VTI1A: variants seen among roughly 807,000 people sequenced by gnomAD.
The protein encoded by VTI1A is vesicle transport through interaction with t-SNAREs homolog 1A.
A neutral mutation model predicts 34.9 loss-of-function variants in VTI1A; 22 were observed. The observed-to-expected ratio is 0.63, with a 90% confidence interval of 0.45 to 0.90. The LOEUF (loss-of-function observed/expected upper bound fraction) is 0.90, where lower values mean the gene tolerates loss of function less well. Ranked by LOEUF, VTI1A falls within the 40% of genes least tolerant of loss-of-function variation. The pLI is 0.00. For synonymous variants in VTI1A, 87 were observed against 97.3 expected, an observed-to-expected ratio of 0.89 and a Z score of 0.62; for missense variants, 268 against 275.6, an observed-to-expected ratio of 0.97 and a Z score of 0.20.
At chr10:112,464,895 GA>G in intron 3 of VTI1A, 1 of 543,080 alleles carries the variant, frequency 1.8e-6, no homozygotes, top group Non-Finnish European at 3.3e-6. Context: ...CTTTGAGTCT[GA>G]ATGGTATTTA....
intron 7 of VTI1A, among the ~76,000 whole-genome samples, chr10:112,688,866 A>G (rs1848521875): frequency 6.6e-6 from 1 of 152,070 alleles, no homozygotes; most frequent in Admixed American, 6.6e-5. Flanking sequence ...CATAGTTATT[A>G]TAGTTATTGT....
intron 7 of VTI1A, among the ~76,000 whole-genome samples, chr10:112,800,600 C>T (rs1409676332): frequency 2.0e-5 from 3 of 152,226 alleles, no homozygotes; most frequent in Non-Finnish European, 4.4e-5. Context: ...TAATGTAATT[C>T]ATTAACAGAA....
chr10:112,620,606 C>G (rs911814866), intron 5 of VTI1A, among the ~76,000 whole-genome samples: 22 of 152,066 alleles, frequency 1.4e-4, no homozygotes, highest in African/African-American at 5.3e-4. Flanking sequence ...GCCTGACCAA[C>G]AAGGTGAAAC....
chr10:112,717,526 C>G (rs375698697), intron 7 of VTI1A, among the ~76,000 whole-genome samples: 2 of 152,222 alleles, frequency 1.3e-5, no homozygotes, highest in East Asian at 3.9e-4. Flanking sequence ...GGCTGGGCAC[C>G]TTTCTCTTTC....
chr10:112,495,764 T>G (rs577119776), intron 3 of VTI1A, among the ~76,000 whole-genome samples: 2 of 152,294 alleles, frequency 1.3e-5, no homozygotes, highest in African/African-American at 4.8e-5. Context: ...TCGACCAAGC[T>G]CGCAGGAATT....
At chr10:112,804,879 GAGACAGAGTCCT>G (rs1853016386) in intron 7 of VTI1A, among the ~76,000 whole-genome samples, 3 of 60,180 alleles carry the variant, frequency 5.0e-5, no homozygotes, top group African/African-American at 2.2e-4. Context: ...TTTTTTTTTT[GAGACAGAGTCCT>G]GCTCTGTCTC....
intron 7 of VTI1A, among the ~76,000 whole-genome samples, chr10:112,710,819 A>G (rs888958946): frequency 2.7e-5 from 4 of 150,460 alleles, no homozygotes; most frequent in South Asian, 2.1e-4. Context: ...GTGTGTGTGT[A>G]TGTGTGTGTG....
chr10:112,711,578 T>C (rs1247103341), intron 7 of VTI1A, among the ~76,000 whole-genome samples: 1 of 152,044 alleles, frequency 6.6e-6, no homozygotes, highest in Non-Finnish European at 1.5e-5. Context: ...ATACAGTGAG[T>C]CATTGGTAAA....
chr10:112,828,250 T>A, the VTI1A span, among the ~76,000 whole-genome samples: 1 of 152,160 alleles, frequency 6.6e-6, no homozygotes, highest in African/African-American at 2.4e-5. Context: ...CTCATGATTC[T>A]GGGCTTCAGA....
Position 112,447,293 on chromosome 10 carries a change from A to G in VTI1A, c.-81A>G. The G allele has an allele frequency of 1.3e-6, 2 of 1,494,322 alleles. No individual in the cohort carries two copies. The highest frequency in any genetic ancestry group is 2.4e-5 in the South Asian group (2 of 83,524). The allele number at this position is 1,494,322 out of a possible 1,614,324, so 92.6% of individuals were successfully genotyped here. A position where few individuals can be genotyped will look rare whatever the true frequency, so the allele number is the denominator to read the frequency against. ...CTCGGGGGCACCTTCCGGGGTTCCT[A>G]AGCCGCGGGGCCCCTCGCTGCCCCT... On this transcript the variant is annotated 5_prime_UTR_variant, in exon 1 of 8. Coordinates refer to ENST00000393077, the MANE Select transcript of VTI1A (RefSeq NM_145206.4).
intron 7 of VTI1A, among the ~76,000 whole-genome samples, chr10:112,678,314 G>A (rs577539766): frequency 3.3e-5 from 5 of 152,220 alleles, no homozygotes; most frequent in South Asian, 4.2e-4. Flanking sequence ...TTCTTTGAAC[G>A]CAGCCTTGAG....
chr10:112,471,342 C>T (rs771511419), intron 3 of VTI1A, among the ~76,000 whole-genome samples: 4 of 147,226 alleles, frequency 2.7e-5, no homozygotes, highest in Non-Finnish European at 6.0e-5. Flanking sequence ...TTATTCTGTT[C>T]ACTTACCTAA....
chr10:112,830,705 C>T, the VTI1A span, among the ~76,000 whole-genome samples: 2 of 149,516 alleles, frequency 1.3e-5, no homozygotes, highest in Non-Finnish European at 3.0e-5. Flanking sequence ...ATGGAGAAAA[C>T]AGTTGGAATG....
chr10:112,536,149 C>G (rs1213077628), intron 4 of VTI1A, among the ~76,000 whole-genome samples: 1 of 152,098 alleles, frequency 6.6e-6, no homozygotes, highest in Non-Finnish European at 1.5e-5. Flanking sequence ...CAGTATTGAT[C>G]TTTGTTTTTT....
At chr10:112,687,128 A>G (rs1484391026) in intron 7 of VTI1A, among the ~76,000 whole-genome samples, 1 of 147,018 alleles carries the variant, frequency 6.8e-6, no homozygotes, top group Non-Finnish European at 1.5e-5. Context: ...GGAGGACTTT[A>G]GGAAGCTGCA....
At chr10:112,469,117 T>C (rs1255015160) in intron 3 of VTI1A, among the ~76,000 whole-genome samples, 2 of 152,228 alleles carry the variant, frequency 1.3e-5, no homozygotes, top group African/African-American at 2.4e-5. Context: ...CAGGTCAATT[T>C]CTAGGTATTC....
chr10:112,696,276 C>G (rs1275945344), intron 7 of VTI1A, among the ~76,000 whole-genome samples: 1 of 152,184 alleles, frequency 6.6e-6, no homozygotes, highest in South Asian at 2.1e-4. Context: ...ACTAACAGTT[C>G]TAGCTGGTTC....
At chr10:112,447,202 C>T, upstream of VTI1A, 1 of 612,962 alleles carries the variant, frequency 1.6e-6, no homozygotes, top group South Asian at 2.3e-5. Context: ...TTCCGGAGAA[C>T]CGAGATTGCG....
intron 7 of VTI1A, among the ~76,000 whole-genome samples, chr10:112,770,227 A>G (rs1007552283): frequency 2.0e-5 from 3 of 152,076 alleles, no homozygotes; most frequent in South Asian, 2.1e-4. Flanking sequence ...GTACCCACAG[A>G]TGGCAAGTAA....
Sources: allele counts gnomAD v4.1 joint callset (sites outside exome capture counted in the v4.1 genomes callset), GRCh38; gene constraint gnomAD v4.1.1; transcripts MANE v1.5; gene names NCBI Gene and HGNC (gene_info 2026-07-23, HGNC 2026-07-21).